Variants in PCDH9 observed in about 807,000 individuals in gnomAD.
PCDH9 encodes the protein protocadherin 9.
A neutral mutation model predicts 70.6 loss-of-function variants in PCDH9; 24 were observed. The observed-to-expected ratio is 0.34, with a 90% CI of 0.25 to 0.48. PCDH9 has a LOEUF of 0.48. PCDH9 is among the 20% of genes least tolerant of loss of function. The pLI is 0.99. For synonymous variants in PCDH9, 562 were observed against 558.5 expected, an observed-to-expected ratio of 1.01 and a Z score of -0.09; for missense variants, 1,281 against 1,503.6, an observed-to-expected ratio of 0.85 and a Z score of 2.45.
chr13:66,949,950 T>C (rs993790778), intron 2 of PCDH9, among the ~76,000 whole-genome samples: 2 of 152,106 alleles, frequency 1.3e-5, no homozygotes, highest in Non-Finnish European at 2.9e-5. Context: ...TTTAATTTAG[T>C]GGAAAAATCT....
At chr13:66,882,000 C>T (rs1408533355) in intron 3 of PCDH9, among the ~76,000 whole-genome samples, 3 of 152,126 alleles carry the variant, frequency 2.0e-5, no homozygotes, top group African/African-American at 4.8e-5. Context: ...ACACAATCCT[C>T]TCTTTAAAGT....
intron 3 of PCDH9, among the ~76,000 whole-genome samples, chr13:66,750,200 TAAA>T (rs1459176523): frequency 6.6e-6 from 1 of 152,176 alleles, no homozygotes; most frequent in African/African-American, 2.4e-5. Flanking sequence ...TTATTACTAT[TAAA>T]GAAGAATGAC....
At chr13:66,599,196 G>A (rs940014437) in intron 4 of PCDH9, among the ~76,000 whole-genome samples, 16 of 151,564 alleles carry the variant, frequency 1.1e-4, no homozygotes, top group Admixed American at 8.6e-4. Context: ...TATAAATTGA[G>A]CTGTATATTT....
At chr13:66,735,621 A>C (rs1202934964) in intron 3 of PCDH9, among the ~76,000 whole-genome samples, 2 of 152,180 alleles carry the variant, frequency 1.3e-5, no homozygotes, top group Non-Finnish European at 2.9e-5. Flanking sequence ...AGAATCAGAG[A>C]TATGTCACTG....
rs758197308 is a variant in PCDH9 at position 67,000,362 on chromosome 13, A to G, written c.3037-96757T>C. Among the ~76,000 whole-genome samples the G allele has an allele frequency of 1.7e-3, 255 of 150,836 alleles. 1 individual carries two copies. The highest frequency in any genetic ancestry group is 3.0e-3 in the Non-Finnish European group (203 of 67,708). ...TGGGGGAGGGGGGAGGGATAGCACTAGGAGATACACCTAATGCTAAATGAC... is the reference window on the plus strand; with the variant it reads ...TGGGGGAGGGGGGAGGGATAGCACTGGGAGATACACCTAATGCTAAATGAC... On this transcript the variant is annotated intron_variant, in intron 2 of 4. Coordinates refer to ENST00000377865, the MANE Select transcript of PCDH9 (RefSeq NM_203487.3).
At chr13:66,756,543 C>CT (rs2079540776) in intron 3 of PCDH9, among the ~76,000 whole-genome samples, 1 of 129,118 alleles carries the variant, frequency 7.7e-6, no homozygotes, top group Non-Finnish European at 1.8e-5. Flanking sequence ...TCAACAAAGC[C>CT]TTTTGTAGGA....
At chr13:66,946,662 T>A (rs1322211972) in intron 2 of PCDH9, among the ~76,000 whole-genome samples, 1 of 152,102 alleles carries the variant, frequency 6.6e-6, no homozygotes, top group Non-Finnish European at 1.5e-5. Flanking sequence ...AACCCAAGAA[T>A]GTTGGGCTTC....
chr13:66,768,169 G>A (rs1473574923), intron 3 of PCDH9, among the ~76,000 whole-genome samples: 1 of 151,976 alleles, frequency 6.6e-6, no homozygotes, highest in Non-Finnish European at 1.5e-5. Context: ...TCTATTATTT[G>A]TTGACATCCT....
intron 3 of PCDH9, among the ~76,000 whole-genome samples, chr13:66,836,468 C>T (rs2081020165): frequency 6.6e-6 from 1 of 151,864 alleles, no homozygotes; most frequent in South Asian, 2.1e-4. Flanking sequence ...CAAACTTGAC[C>T]CTCTTAATAA....
Position 66,631,229 on chromosome 13 carries a change from G to T in PCDH9, c.3321C>A (p.Gly1107=), listed in dbSNP as rs1214232357. The change falls in exon 4 of 5, where the codon GGC becomes GGA. Residue 1107 remains glycine, a synonymous_variant. Coordinates refer to ENST00000377865, the MANE Select transcript of PCDH9 (RefSeq NM_203487.3). ...ASPDKRTEAD[G]NSDPNSDGPL... is the part of the protein sequence containing the mutation. Reference sequence around the variant, plus strand: ...ACTCACCAGAGTTGGGATCAGAGTTGCCATCTGCTTCAGTCCTCTTGTCCG... The same window carrying T: ...ACTCACCAGAGTTGGGATCAGAGTTTCCATCTGCTTCAGTCCTCTTGTCCG... The T allele has an allele frequency of 6.3e-7, 1 of 1,595,850 alleles. No homozygotes were observed.
At chr13:66,568,806 C>CAAAGAAA (rs1444168780) in intron 4 of PCDH9, among the ~76,000 whole-genome samples, 1 of 149,710 alleles carries the variant, frequency 6.7e-6, no homozygotes, top group African/African-American at 2.5e-5. Flanking sequence ...GAACAACATT[C>CAAAGAAA]AAAGAAAAAA....
chr13:66,526,301 T>C lies in PCDH9; in HGVS notation c.3340+104909A>G, dbSNP rs189974766. Among the ~76,000 whole-genome samples, 7 of 152,216 alleles carry C rather than the reference T, an allele frequency of 4.6e-5. No individual in the cohort carries two copies. In the East Asian group the frequency reaches 1.2e-3, roughly 25 times the overall value. On this transcript the variant is annotated intron_variant, in intron 4 of 4. Transcript: ENST00000377865. ...AGTTATAAATGCTGTGTAAAGTGAC[T>C]GTGATCCTGCGGTGCTAATAAAACA...
At chr13:66,312,971 T>C (rs141969496) in intron 4 of PCDH9, among the ~76,000 whole-genome samples, 129 of 152,276 alleles carry the variant, frequency 8.5e-4, no homozygotes, top group African/African-American at 3.0e-3. Context: ...CCAGAGAAGA[T>C]ATTGCTATTT....
chr13:66,836,521 C>G (rs1373995363), intron 3 of PCDH9, among the ~76,000 whole-genome samples: 2 of 152,044 alleles, frequency 1.3e-5, no homozygotes, highest in Non-Finnish European at 2.9e-5. Flanking sequence ...CACCTCAATC[C>G]TACACTTAAC....
At chr13:66,330,999 C>A (rs190320526) in intron 4 of PCDH9, among the ~76,000 whole-genome samples, 35 of 152,240 alleles carry the variant, frequency 2.3e-4, no homozygotes, top group African/African-American at 7.5e-4. Context: ...AAATGTACTT[C>A]TCCATTTTAA....
At chr13:66,704,503 T>A (rs908001964) in intron 3 of PCDH9, among the ~76,000 whole-genome samples, 4 of 151,734 alleles carry the variant, frequency 2.6e-5, no homozygotes, top group African/African-American at 9.7e-5. Flanking sequence ...AAACTTAAAA[T>A]GAAAAAAGAA....
At position 66,779,843 on chromosome 13, in the gene PCDH9, C is replaced by CTA. The variant is rs1234220065; in HGVS notation, c.3138+123660_3138+123661insTA. On this transcript the variant is annotated intron_variant, in intron 3 of 4. Coordinates refer to ENST00000377865, the MANE Select transcript of PCDH9 (RefSeq NM_203487.3). ...TCTCTCTCTCTCTCTCTCTCTCTCT[C>CTA]TCTCTCTATATATATATATATATAC... Among the ~76,000 whole-genome samples the CTA allele has an allele frequency of 5.0e-3, 156 of 30,974 alleles. 1 individual carries two copies. Among genetic ancestry groups the CTA allele is most frequent in the Middle Eastern group, 0.016 (1 of 62 alleles). 20.3% of individuals were successfully genotyped at this position (30,974 alleles called of 152,430 possible).
At chr13:66,530,941 G>A (rs1223066519) in intron 4 of PCDH9, among the ~76,000 whole-genome samples, 1 of 151,866 alleles carries the variant, frequency 6.6e-6, no homozygotes, top group East Asian at 1.9e-4. Context: ...CTCAGGCCAG[G>A]CCATGATACT....
At chr13:67,137,439 G>A (rs1446754675) in intron 2 of PCDH9, among the ~76,000 whole-genome samples, 2 of 152,058 alleles carry the variant, frequency 1.3e-5, no homozygotes, top group African/African-American at 2.4e-5. Flanking sequence ...AAAAACTTTG[G>A]GGTGATCCTC....
Sources: allele counts gnomAD v4.1 joint callset (sites outside exome capture counted in the v4.1 genomes callset), GRCh38; gene constraint gnomAD v4.1.1; transcripts MANE v1.5; gene names NCBI Gene and HGNC (gene_info 2026-07-23, HGNC 2026-07-21).